RASGRP3: variants seen among roughly 807,000 people sequenced by gnomAD.
The protein encoded by RASGRP3 is ras guanyl-releasing protein 3.
RASGRP3 carries 54 observed loss-of-function variants against 82.7 expected under a neutral mutation model. The ratio of observed to expected loss-of-function variants is 0.65; its 90% CI spans 0.52 to 0.82. The LOEUF (loss-of-function observed/expected upper bound fraction) is 0.82, where lower values mean the gene tolerates loss of function less well. Ranked by LOEUF, RASGRP3 falls within the 40% of genes least tolerant of loss-of-function variation. The pLI, the probability that RASGRP3 is intolerant of heterozygous loss-of-function variation, is 0.00. For synonymous variants in RASGRP3, 309 were observed against 300.5 expected (o/e 1.03, Z -0.29); for missense variants, 861 against 828.9 (o/e 1.04, Z -0.48).
chr2:33,450,818 C>CTT (rs879744839), intron 2 of RASGRP3, among the ~76,000 whole-genome samples: 30 of 43,400 alleles, frequency 6.9e-4, no homozygotes, highest in East Asian at 1.4e-3. Flanking sequence ...CTCTTTCTTT[C>CTT]TTTCTTTTTT....
intron 7 of RASGRP3, among the ~76,000 whole-genome samples, chr2:33,523,591 A>G (rs1204228241): frequency 6.6e-6 from 1 of 152,110 alleles, no homozygotes; most frequent in Non-Finnish European, 1.5e-5. Context: ...GTAAATTTTG[A>G]ACTCATTGGA....
chr2:33,516,538 A>T lies in RASGRP3; in HGVS notation c.71-4A>T. On this transcript the variant is annotated splice_polypyrimidine_tract_variant and splice_region_variant and intron_variant, in intron 3 of 17. Coordinates refer to ENST00000403687, the MANE Select transcript of RASGRP3 (RefSeq NM_001139488.2). ...CCTCACTTCTTGTTTTATTTTTCTAACAGATGACAATGGAGAGCTGGATAA... is the reference window on the plus strand; with the variant it reads ...CCTCACTTCTTGTTTTATTTTTCTATCAGATGACAATGGAGAGCTGGATAA... The T allele has an allele frequency of 6.5e-7, 1 of 1,533,164 alleles. No individual in the cohort carries two copies. Among genetic ancestry groups the T allele is most frequent in the Non-Finnish European group, 9.0e-7 (1 of 1,117,258 alleles). The allele number at this position is 1,533,164 out of a possible 1,614,324, so 95.0% of individuals were successfully genotyped here. A position where few individuals can be genotyped will look rare whatever the true frequency, so the allele number is the denominator to read the frequency against.
At chr2:33,521,552 T>A (rs1210636493) in intron 6 of RASGRP3, among the ~76,000 whole-genome samples, 1 of 152,262 alleles carries the variant, frequency 6.6e-6, no homozygotes, top group Non-Finnish European at 1.5e-5. Context: ...TCTGTCTTTA[T>A]AACAAGCTTT....
chr2:33,451,341 T>C (rs959161795), intron 2 of RASGRP3, among the ~76,000 whole-genome samples: 1 of 152,200 alleles, frequency 6.6e-6, no homozygotes. Flanking sequence ...AGTTTTCAAA[T>C]ATTTTCTACC....
chr2:33,530,029 T>C (rs1047761326), intron 10 of RASGRP3, among the ~76,000 whole-genome samples: 1 of 152,178 alleles, frequency 6.6e-6, no homozygotes, highest in Admixed American at 6.5e-5. Flanking sequence ...TGAGGATTAA[T>C]CTCCTCAACA....
At chr2:33,515,338 CG>C in intron 3 of RASGRP3, 132 bp downstream of exon 3, 2 of 842,826 alleles carry the variant, frequency 2.4e-6, no homozygotes, top group Non-Finnish European at 3.9e-6. Context: ...CGGATGGACC[CG>C]GGTCTGTCTC....
At chr2:33,475,419 A>G (rs17013059), upstream of RASGRP3, among the ~76,000 whole-genome samples, 757 of 152,334 alleles carry the variant, frequency 5.0e-3, 7 homozygotes, top group African/African-American at 0.015. Context: ...TAAATATAAA[A>G]GATTACTCAC....
At chr2:33,534,255 A>G (rs1173788346) in intron 10 of RASGRP3, 68 bp from the exon 11 acceptor site, 20 of 1,143,262 alleles carry the variant, frequency 1.7e-5, no homozygotes, top group Admixed American at 2.1e-5. Context: ...ACTTGAAAAA[A>G]AATTCAGCAA....
chr2:33,543,516 T>C lies in RASGRP3; in HGVS notation c.1283T>C (p.Val428Ala), dbSNP rs368145185. ...NKHIRKLVES[V>A]FRNYDHDHDG... is the part of the protein sequence containing the mutation. ...ATACTTATCTTTCCTTTGCAGTCTG[T>C]ATTTAGAAACTATGATCACGACCAT... Residue 428 changes from valine (V) to alanine (A), a missense_variant, in exon 13 of 18, where the codon GTA becomes GCA. By Grantham distance (64) the Val-to-Ala change is moderately conservative (BLOSUM62 0). Coordinates refer to ENST00000403687, the MANE Select transcript of RASGRP3 (RefSeq NM_001139488.2). The C allele has an allele frequency of 1.3e-6, 2 of 1,588,322 alleles. No homozygotes were observed. The highest frequency in any genetic ancestry group is 1.3e-5 in the African/African-American group (1 of 74,414).
At chr2:33,501,463 G>A (rs1669871004) in intron 1 of RASGRP3, among the ~76,000 whole-genome samples, 1 of 152,120 alleles carries the variant, frequency 6.6e-6, no homozygotes, top group Non-Finnish European at 1.5e-5. Context: ...AGTTTTTGAG[G>A]AGCTACCTAA....
At position 33,562,883 on chromosome 2, in the gene RASGRP3, T is replaced by C; in HGVS notation, c.*146T>C. On this transcript the variant is annotated 3_prime_UTR_variant, in exon 18 of 18. Transcript: ENST00000403687. ...CTTGGGACACTGTGGGATCTCCATGTTTGGACTATGGGACAGAGAATTGAC... is the reference window on the plus strand; with the variant it reads ...CTTGGGACACTGTGGGATCTCCATGCTTGGACTATGGGACAGAGAATTGAC... 1.9e-6 allele frequency: 2 copies of C among 1,071,686 alleles called. No individual in the cohort carries two copies. The highest frequency in any genetic ancestry group is 2.7e-6 in the Non-Finnish European group (2 of 733,156). 66.4% of individuals were successfully genotyped at this position (1,071,686 alleles called of 1,614,324 possible). A position where few individuals can be genotyped will look rare whatever the true frequency, so the allele number is the denominator to read the frequency against.
chr2:33,464,008 C>T (rs534345976), intron 2 of RASGRP3, among the ~76,000 whole-genome samples: 64 of 151,780 alleles, frequency 4.2e-4, no homozygotes, highest in Admixed American at 2.2e-3. Flanking sequence ...TAAGGCAACC[C>T]TGCATCAAGC....
At chr2:33,439,170 T>C (rs750233994) in intron 1 of RASGRP3, among the ~76,000 whole-genome samples, 9 of 152,248 alleles carry the variant, frequency 5.9e-5, no homozygotes, top group Non-Finnish European at 1.2e-4. Flanking sequence ...CACCTATTTA[T>C]TAAGTTTTCT....
chr2:33,461,409 G>T (rs1049038881), intron 2 of RASGRP3, among the ~76,000 whole-genome samples: 2 of 152,184 alleles, frequency 1.3e-5, no homozygotes, highest in Admixed American at 1.3e-4. Flanking sequence ...CTCCTGAGTA[G>T]CTGGAATTAC....
At position 33,521,992 on chromosome 2, in the gene RASGRP3, A is replaced by G. The variant is rs747648068; in HGVS notation, c.406A>G (p.Lys136Glu). 3.1e-6 allele frequency: 5 copies of G among 1,613,368 alleles called. No homozygotes were observed. The highest frequency in any genetic ancestry group is 4.2e-6 in the Non-Finnish European group (5 of 1,179,616). Reference protein sequence around the residue: ...YDWMRRVTQRKKVSKKGKACL... With the variant: ...YDWMRRVTQREKVSKKGKACL... ...CTGGATGAGAAGAGTCACACAGAGGAAAAAAGTATCCAAGAAGGGAAAAGC... is the reference window on the plus strand; with the variant it reads ...CTGGATGAGAAGAGTCACACAGAGGGAAAAAGTATCCAAGAAGGGAAAAGC... Residue 136 changes from lysine to glutamate, a missense_variant, in exon 7 of 18, where the codon AAA becomes GAA. Lys to Glu is a moderately conservative substitution (Grantham distance 56, BLOSUM62 1). Transcript: ENST00000403687.
chr2:33,442,808 T>G (rs1365327413), intron 1 of RASGRP3, among the ~76,000 whole-genome samples: 1 of 152,062 alleles, frequency 6.6e-6, no homozygotes, highest in Admixed American at 6.5e-5. Context: ...GGAGCCCGTC[T>G]CAGCTTTATT....
chr2:33,555,429 C>T, intron 14 of RASGRP3, 102 bp from the exon 15 acceptor site: 1 of 967,954 alleles, frequency 1.0e-6, no homozygotes, highest in East Asian at 2.7e-5. Flanking sequence ...CTGTTTGTGC[C>T]TGGCCAGTCC....
At chr2:33,482,180 A>C (rs1017320012) in intron 1 of RASGRP3, 1 of 151,956 alleles carries the variant, frequency 6.6e-6, no homozygotes, top group Non-Finnish European at 1.5e-5. Context: ...TGCCGGGCTA[A>C]TTTTTTTGTA....
chr2:33,467,209 A>G lies in RASGRP3; in HGVS notation c.-261+19266A>G, dbSNP rs527589143. Among the ~76,000 whole-genome samples, 14 of 152,262 alleles carry G rather than the reference A, an allele frequency of 9.2e-5. No individual in the cohort carries two copies. The South Asian group carries it at 2.9e-3, about 32-fold the overall frequency. On this transcript the variant is annotated intron_variant, in intron 2 of 18. Transcript: ENST00000402538. ...TTCCTAAAGGCAATGCACATTGAAC[A>G]CCGGCACTATATTTTTTTCAGTTAT...
Sources: allele counts gnomAD v4.1 joint callset (sites outside exome capture counted in the v4.1 genomes callset), GRCh38; gene constraint gnomAD v4.1.1; transcripts MANE v1.5; gene names NCBI Gene and HGNC (gene_info 2026-07-23, HGNC 2026-07-21).